The following KIAA0825 variants were observed in gnomAD, a reference collection of about 807,000 sequenced individuals.
The protein encoded by KIAA0825 is uncharacterized protein KIAA0825.
In KIAA0825, 119 loss-of-function variants were observed where a neutral mutation model predicts 147.6. The ratio of observed to expected loss-of-function variants is 0.81; its 90% CI spans 0.69 to 0.94. The LOEUF (loss-of-function observed/expected upper bound fraction) is 0.94, where lower values mean the gene tolerates loss of function less well. Ranked by LOEUF, KIAA0825 falls within the 40% of genes least tolerant of loss-of-function variation. The pLI is 0.00. For missense variants in KIAA0825, 1,381 were observed against 1,472.7 expected, an observed-to-expected ratio of 0.94 and a Z score of 1.02; for synonymous variants, 470 against 518.1, an observed-to-expected ratio of 0.91 and a Z score of 1.26.
intron 2 of KIAA0825, among the ~76,000 whole-genome samples, chr5:94,543,110 G>A (rs149880931): frequency 9.6e-4 from 146 of 152,250 alleles, no homozygotes; most frequent in Middle Eastern, 6.8e-3. Flanking sequence ...TCAACTCATA[G>A]GTATTTGAGG....
chr5:94,206,966 G>T (rs190072807), intron 20 of KIAA0825, among the ~76,000 whole-genome samples: 1 of 152,030 alleles, frequency 6.6e-6, no homozygotes, highest in African/African-American at 2.4e-5. Context: ...GGTTTGGGGA[G>T]GTGGAAAGCA....
intron 15 of KIAA0825, among the ~76,000 whole-genome samples, chr5:94,406,010 T>C (rs1214312359): frequency 6.6e-6 from 1 of 152,146 alleles, no homozygotes; most frequent in Admixed American, 6.5e-5. Flanking sequence ...CACTGCAACC[T>C]CCGCGTCCCA....
chr5:94,456,710 G>T (rs960701530), intron 12 of KIAA0825, among the ~76,000 whole-genome samples: 5 of 152,134 alleles, frequency 3.3e-5, no homozygotes, highest in Non-Finnish European at 5.9e-5. Flanking sequence ...GTGTAATAAT[G>T]TATTTAAAGG....
chr5:94,499,585 TGG>T (rs34401680), intron 5 of KIAA0825, among the ~76,000 whole-genome samples: 7,844 of 69,650 alleles, frequency 0.11, 528 homozygotes, highest in Middle Eastern at 0.19. Flanking sequence ...TTTCCCAATC[TGG>T]GGGGGGGGGG....
At chr5:94,484,511 T>C (rs1406493194) in intron 6 of KIAA0825, among the ~76,000 whole-genome samples, 3 of 151,710 alleles carry the variant, frequency 2.0e-5, no homozygotes, top group African/African-American at 7.2e-5. Flanking sequence ...AAAAGAAAAA[T>C]TGACCTAATT....
intron 20 of KIAA0825, among the ~76,000 whole-genome samples, chr5:94,233,111 G>T (rs551204129): frequency 6.6e-6 from 1 of 152,114 alleles, no homozygotes. Flanking sequence ...GAATTCTGCC[G>T]AAGGCCAGAG....
Position 94,469,977 on chromosome 5 carries a change from T to C in KIAA0825, c.1856A>G (p.Tyr619Cys), listed in dbSNP as rs751260071. ...ACTTCACACCTCATAAAAAGCTTTG[T>C]AGTCATCCCAGTGGTGGCTCTCAGC... ...QDAESHHWDD[Y>C]KAFYEGERCS... is the part of the protein sequence containing the mutation. Residue 619 changes from tyrosine (Y) to cysteine (C), a missense_variant, in exon 10 of 21, where the codon TAC becomes TGC. Coordinates refer to ENST00000682413, the MANE Select transcript of KIAA0825 (RefSeq NM_001145678.3). 1 of 1,551,556 alleles carries C rather than the reference T, an allele frequency of 6.4e-7. No individual in the cohort carries two copies.
chr5:94,599,578 A>C (rs1785973244), intron 1 of KIAA0825, among the ~76,000 whole-genome samples: 1 of 152,128 alleles, frequency 6.6e-6, no homozygotes, highest in African/African-American at 2.4e-5. Context: ...AAAGGTGGAA[A>C]TCTTCTTGAC....
intron 5 of KIAA0825, among the ~76,000 whole-genome samples, chr5:94,515,804 A>G (rs1562580075): frequency 6.6e-6 from 1 of 151,914 alleles, no homozygotes; most frequent in Non-Finnish European, 1.5e-5. Flanking sequence ...AAAAAAAAAA[A>G]AAATTAGAGA....
At chr5:94,405,450 T>C (rs1751918218) in intron 15 of KIAA0825, among the ~76,000 whole-genome samples, 8 of 152,200 alleles carry the variant, frequency 5.3e-5, no homozygotes, top group Admixed American at 5.2e-4. Context: ...ATAATTATTC[T>C]ATTAATATAT....
chr5:94,475,600 G>T (rs1438295286), intron 7 of KIAA0825, among the ~76,000 whole-genome samples: 1 of 152,160 alleles, frequency 6.6e-6, no homozygotes, highest in Non-Finnish European at 1.5e-5. Context: ...CTGAGGTCAG[G>T]AGTTCGAGAC....
At chr5:94,517,633 A>C (rs1344486643) in intron 5 of KIAA0825, among the ~76,000 whole-genome samples, 1 of 151,810 alleles carries the variant, frequency 6.6e-6, no homozygotes, top group Non-Finnish European at 1.5e-5. Context: ...CACTAAATAG[A>C]AATTATAATC....
At chr5:94,293,596 G>A (rs559492937) in intron 20 of KIAA0825, among the ~76,000 whole-genome samples, 10 of 152,260 alleles carry the variant, frequency 6.6e-5, no homozygotes, top group African/African-American at 2.4e-4. Flanking sequence ...TGTTGATTTG[G>A]GGTGGAGAGT....
chr5:94,525,873 T>C (rs1238031173), intron 3 of KIAA0825, among the ~76,000 whole-genome samples: 1 of 152,022 alleles, frequency 6.6e-6, no homozygotes, highest in African/African-American at 2.4e-5. Context: ...TTTGTCCAAA[T>C]ACTGACAAAG....
At chr5:94,370,826 A>G (rs559981732) in intron 20 of KIAA0825, among the ~76,000 whole-genome samples, 169 of 152,144 alleles carry the variant, frequency 1.1e-3, no homozygotes, top group Admixed American at 2.2e-3. Flanking sequence ...GGAGAATGGC[A>G]TGAAACCGGG....
At chr5:94,360,019 T>C (rs1744847461) in intron 20 of KIAA0825, among the ~76,000 whole-genome samples, 1 of 152,172 alleles carries the variant, frequency 6.6e-6, no homozygotes, top group South Asian at 2.1e-4. Context: ...GGGAGTTAAG[T>C]GCTCATTAGC....
intron 20 of KIAA0825, among the ~76,000 whole-genome samples, chr5:94,213,808 C>T (rs1188708353): frequency 1.3e-5 from 2 of 152,146 alleles, no homozygotes; most frequent in African/African-American, 4.8e-5. Flanking sequence ...GTGAAGTTTG[C>T]TGTTGCTCCT....
intron 15 of KIAA0825, chr5:94,414,256 A>T (rs1045275752): frequency 2.6e-5 from 4 of 152,204 alleles, no homozygotes; most frequent in African/African-American, 9.6e-5. Context: ...GTATATTACT[A>T]TCATATTAGA....
intron 2 of KIAA0825, among the ~76,000 whole-genome samples, chr5:94,575,878 A>T (rs966670891): frequency 6.6e-6 from 1 of 152,220 alleles, no homozygotes; most frequent in African/African-American, 2.4e-5. Flanking sequence ...AGATGAGGCT[A>T]TAAGGAAGTT....
Sources: gnomAD v4.1 joint callset for allele counts (sites outside exome capture counted in the v4.1 genomes callset) on GRCh38, gnomAD v4.1.1 for gene constraint, MANE v1.5 for transcripts, NCBI Gene and HGNC (gene_info 2026-07-23, HGNC 2026-07-21) for gene names.